SNF8: variants seen among roughly 807,000 people sequenced by gnomAD.
The protein encoded by SNF8 is vacuolar-sorting protein SNF8.
SNF8 carries 19 observed loss-of-function variants against 36.8 expected under a neutral mutation model. The ratio of observed to expected loss-of-function variants is 0.52; its 90% CI spans 0.36 to 0.76. The LOEUF is 0.76. SNF8 is among the 30% of genes least tolerant of loss of function. The probability of loss-of-function intolerance (pLI) is 0.00; values close to 1 mark genes in which losing one functional copy is unlikely to be tolerated. For synonymous variants in SNF8, 127 were observed against 127.4 expected, an observed-to-expected ratio of 1.00 and a Z score of 0.02; for missense variants, 268 against 322.9, an observed-to-expected ratio of 0.83 and a Z score of 1.30.
At chr17:48,943,867 G>A in intron 2 of SNF8, 58 bp downstream of exon 2, 1 of 1,471,760 alleles carries the variant, frequency 6.8e-7, no homozygotes, top group Non-Finnish European at 9.5e-7. Context: ...TATCCAAGGT[G>A]TCTTGGCCAG....
At chr17:48,942,278 AGT>A (rs2041040200) in intron 2 of SNF8, among the ~76,000 whole-genome samples, 1 of 151,196 alleles carries the variant, frequency 6.6e-6, no homozygotes, top group South Asian at 2.1e-4. Flanking sequence ...CGGAGGTTGC[AGT>A]GAGCCAAGAT....
chr17:48,933,430 TGACAGAAAATTTAGAA>T, intron 5 of SNF8, 84 bp from the exon 6 acceptor site: 1 of 1,492,074 alleles, frequency 6.7e-7, no homozygotes, highest in South Asian at 1.2e-5. Context: ...GGCAGGATAC[TGACAGAAAATTTAGAA>T]GACTGCACAA....
rs768480362 is a variant in SNF8 at position 48,941,091 on chromosome 17, G to A, written c.106-29C>T. The A allele has an allele frequency of 1.4e-5, 22 of 1,606,454 alleles. No individual in the cohort carries two copies. In the South Asian group the frequency reaches 2.0e-4, roughly 14 times the overall value. ...TTGGATGGACAGGGAGTGGTGAAGG[G>A]CAGCCCAGCCAAATGATAATCAGAT... is the stretch of plus-strand genomic sequence containing the variant. On this transcript the variant is annotated intron_variant, in intron 2 of 7. Transcript: ENST00000502492.
In SNF8 at chr17:48,937,075, G is replaced by A. The variant is rs774459422; in HGVS notation, c.294C>T (p.Tyr98=). 6.2e-6 allele frequency: 10 copies of A among 1,613,998 alleles called. No individual in the cohort carries two copies. The highest frequency in any genetic ancestry group is 3.3e-5 in the South Asian group (3 of 91,086). ...SEMLGVGDFY[Y]ELGVQIIEVC... is the part of the protein sequence containing the mutation. ...CTTCGATAATTTGGACACCTAGTTC[G>A]TAATAGAAGTCCCCCACGCCCAGCA... Residue 98 remains tyrosine (Y), a synonymous_variant, in exon 4 of 8, where the codon TAC becomes TAT. Transcript: ENST00000502492.
intron 3 of SNF8, among the ~76,000 whole-genome samples, chr17:48,938,329 T>C (rs2040966160): frequency 6.6e-6 from 1 of 151,372 alleles, no homozygotes; most frequent in African/African-American, 2.4e-5. Flanking sequence ...ACACCCCGTC[T>C]CTACTAAAAA....
intron 6 of SNF8, chr17:48,932,357 C>A (rs1045706350): frequency 1.8e-4 from 28 of 152,308 alleles, no homozygotes; most frequent in African/African-American, 6.7e-4. Context: ...CTGCTAATAA[C>A]CTCCATTATT....
At chr17:48,934,894 CATA>C (rs1440938102) in intron 5 of SNF8, among the ~76,000 whole-genome samples, 2 of 152,126 alleles carry the variant, frequency 1.3e-5, no homozygotes, top group African/African-American at 4.8e-5. Flanking sequence ...TTCAAGATCT[CATA>C]GTAGGCTGAC....
intron 2 of SNF8, among the ~76,000 whole-genome samples, chr17:48,942,844 G>A (rs918115284): frequency 2.2e-5 from 3 of 134,296 alleles, no homozygotes; most frequent in Non-Finnish European, 3.1e-5. Flanking sequence ...CACCGCACCC[G>A]GCCTTTTTTT....
At chr17:48,941,136 C>A in intron 2 of SNF8, 74 bp from the exon 3 acceptor site, 1 of 1,555,886 alleles carries the variant, frequency 6.4e-7, no homozygotes, top group Middle Eastern at 1.7e-4. Context: ...AGGTCCCCAG[C>A]CCTGTGGCAG....
Position 48,933,185 on chromosome 17 carries a change from A to G in SNF8, c.564+20T>C. 1 of 1,611,430 alleles carries G rather than the reference A, an allele frequency of 6.2e-7. No homozygotes were observed. Among genetic ancestry groups the G allele is most frequent in the Non-Finnish European group, 8.5e-7 (1 of 1,179,050 alleles). ...CAGACTGTCCCTTGCACACACACAC[A>G]CTCGAAGGTGCACCAGTACCTCTGC... is the stretch of plus-strand genomic sequence containing the variant. On this transcript the variant is annotated intron_variant, in intron 6 of 7. Transcript: ENST00000502492.
In SNF8 at chr17:48,930,539, G is replaced by C; in HGVS notation, c.713C>G (p.Ala238Gly). 1 of 1,613,216 alleles carries C rather than the reference G, an allele frequency of 6.2e-7. No homozygotes were observed. ...CTGGGAGTAGAGGTCAGTGAAGAGA[G>C]CTGGCAGCCAGTAGTGGGCCTCCCC... ...APGEAHYWLP[A>G]LFTDLYSQEI... Residue 238 changes from alanine to glycine, a missense_variant, in exon 8 of 8, where the codon GCT (alanine) becomes GGT (glycine). Physicochemically the swap from Ala to Gly is moderately conservative, Grantham distance 60. Transcript: ENST00000502492.
intron 7 of SNF8, 96 bp from the exon 8 acceptor site, chr17:48,930,708 A>C: frequency 7.6e-7 from 1 of 1,323,048 alleles, no homozygotes; most frequent in South Asian, 1.5e-5. Context: ...GGCTTCAGTG[A>C]GGTTTTCAAA....
At chr17:48,943,742 C>G (rs759606167) in intron 2 of SNF8, among the ~76,000 whole-genome samples, 183 bp downstream of exon 2, 1 of 152,204 alleles carries the variant, frequency 6.6e-6, no homozygotes, top group East Asian at 1.9e-4. Flanking sequence ...CATGTAATCA[C>G]TCAAAGATGT....
At chr17:48,935,436 C>T (rs2040920098) in intron 5 of SNF8, among the ~76,000 whole-genome samples, 1 of 151,682 alleles carries the variant, frequency 6.6e-6, no homozygotes, top group Non-Finnish European at 1.5e-5. Context: ...TGGCGTGAAC[C>T]CAGGAGGCAG....
chr17:48,941,192 GT>G, intron 2 of SNF8, 130 bp from the exon 3 acceptor site: 1 of 977,746 alleles, frequency 1.0e-6, no homozygotes, highest in Non-Finnish European at 1.5e-6. Context: ...CCATTATGCT[GT>G]TTACCATCTC....
intron 5 of SNF8, 132 bp downstream of exon 5, chr17:48,936,038 T>G (rs1369770999): frequency 2.3e-5 from 14 of 621,638 alleles, no homozygotes; most frequent in Middle Eastern, 2.6e-4. Context: ...TTTGTTTTTT[T>G]TTTTCCTGTA....
intron 7 of SNF8, 50 bp from the exon 8 acceptor site, chr17:48,930,662 G>C (rs756962593): frequency 6.3e-7 from 1 of 1,581,872 alleles, no homozygotes; most frequent in East Asian, 2.3e-5. Context: ...AGGTTCCATA[G>C]ACAAAGGGTA....
At chr17:48,941,620 G>T (rs2041026175) in intron 2 of SNF8, among the ~76,000 whole-genome samples, 1 of 152,026 alleles carries the variant, frequency 6.6e-6, no homozygotes, top group African/African-American at 2.4e-5. Context: ...TCCCACAACG[G>T]ATCACTTGAG....
At position 48,929,349 on chromosome 17, in the gene SNF8, T is replaced by C. The variant is rs1225890849; in HGVS notation, c.*1126A>G. 2.0e-5 allele frequency: 3 copies of C among 152,126 alleles called. No homozygotes were observed. The highest frequency in any genetic ancestry group is 2.1e-4 in the South Asian group (1 of 4,834). The allele number at this position is 152,126 out of a possible 1,614,324, so 9.4% of individuals were successfully genotyped here. ...TTGGAGTGAGCATGTCCTACAAGGA[T>C]AGGCAGAGGAAGAGATGGGCCCAGG... On this transcript the variant is annotated 3_prime_UTR_variant, in exon 8 of 8. Coordinates refer to ENST00000502492, the MANE Select transcript of SNF8 (RefSeq NM_007241.4).
Sources: allele counts gnomAD v4.1 joint callset (sites outside exome capture counted in the v4.1 genomes callset), GRCh38; gene constraint gnomAD v4.1.1; transcripts MANE v1.5; gene names NCBI Gene and HGNC (gene_info 2026-07-23, HGNC 2026-07-21).